The following LIMS1 variants were observed in gnomAD, a reference collection of about 807,000 sequenced individuals.
LIMS1 encodes LIM and senescent cell antigen-like-containing domain protein 1.
A neutral mutation model predicts 44.1 loss-of-function variants in LIMS1; 18 were observed. The ratio of observed to expected loss-of-function variants is 0.41; its 90% CI spans 0.28 to 0.61. The LOEUF is 0.61. Among genes scored for constraint, LIMS1 ranks in the 20% least tolerant of loss-of-function variants. LIMS1 has a pLI of 0.32. For missense variants in LIMS1, 201 were observed against 422.0 expected (o/e 0.48, Z 4.59); for synonymous variants, 93 against 149.1 (o/e 0.62, Z 2.74).
At chr2:108,551,753 ATACC>A (rs1235127785) in intron 1 of LIMS1, among the ~76,000 whole-genome samples, 1 of 146,208 alleles carries the variant, frequency 6.8e-6, no homozygotes, top group African/African-American at 2.5e-5. Flanking sequence ...ATATACATAC[ATACC>A]TATGTATATT....
intron 9 of LIMS1, chr2:108,681,252 G>C: frequency 3.2e-6 from 4 of 1,242,894 alleles, no homozygotes; most frequent in Non-Finnish European, 4.0e-6. Flanking sequence ...AGTCATCAGA[G>C]ATTGAAATAC....
chr2:108,667,726 C>G (rs970916440), intron 2 of LIMS1, among the ~76,000 whole-genome samples: 15 of 151,500 alleles, frequency 9.9e-5, no homozygotes, highest in African/African-American at 2.7e-4. Flanking sequence ...CAGGACACCC[C>G]CTCCACCCCA....
At chr2:108,679,798 C>A (rs1299994000) in intron 8 of LIMS1, among the ~76,000 whole-genome samples, 5 of 151,994 alleles carry the variant, frequency 3.3e-5, no homozygotes, top group South Asian at 2.1e-4. Context: ...ACCTATGGTC[C>A]CAGCTACACA....
At chr2:108,631,279 G>A (rs1015229909) in intron 1 of LIMS1, among the ~76,000 whole-genome samples, 6 of 152,248 alleles carry the variant, frequency 3.9e-5, no homozygotes, top group African/African-American at 1.4e-4. Context: ...CTGAGTGAGA[G>A]TGGGTGAGGA....
At chr2:108,601,120 G>A (rs990539519) in intron 1 of LIMS1, among the ~76,000 whole-genome samples, 10 of 151,964 alleles carry the variant, frequency 6.6e-5, no homozygotes, top group Non-Finnish European at 1.5e-4. Context: ...TGCCTGAGGG[G>A]GGAAGAAAAA....
chr2:108,545,407 G>A (rs1327343989), intron 1 of LIMS1, among the ~76,000 whole-genome samples: 1 of 152,078 alleles, frequency 6.6e-6, no homozygotes, highest in Non-Finnish European at 1.5e-5. Context: ...CTAATTTTTT[G>A]TATTTTTAGT....
chr2:108,650,154 G>A (rs1432084650), intron 1 of LIMS1, among the ~76,000 whole-genome samples: 1 of 152,134 alleles, frequency 6.6e-6, no homozygotes, highest in Non-Finnish European at 1.5e-5. Context: ...TGCCACTGCC[G>A]TGGCAGTAGT....
intron 1 of LIMS1, among the ~76,000 whole-genome samples, chr2:108,609,766 A>G (rs779306983): frequency 1.3e-5 from 2 of 152,180 alleles, no homozygotes; most frequent in Non-Finnish European, 2.9e-5. Context: ...CACTGCACAC[A>G]TATACAGCAG....
At chr2:108,605,784 GAAAGA>G in intron 1 of LIMS1, among the ~76,000 whole-genome samples, 1 of 152,328 alleles carries the variant, frequency 6.6e-6, no homozygotes, top group East Asian at 1.9e-4. Context: ...GAGCAACTTG[GAAAGA>G]AAAGAAGTCA....
intron 1 of LIMS1, among the ~76,000 whole-genome samples, chr2:108,627,605 G>A: frequency 6.6e-6 from 1 of 151,974 alleles, no homozygotes. Flanking sequence ...GAAGTCTCAG[G>A]TATAAATTAC....
At chr2:108,558,517 C>G (rs917753582) in intron 1 of LIMS1, among the ~76,000 whole-genome samples, 1 of 151,638 alleles carries the variant, frequency 6.6e-6, no homozygotes, top group South Asian at 2.1e-4. Context: ...ACGATTTGTG[C>G]GTTTTTATAG....
intron 1 of LIMS1, among the ~76,000 whole-genome samples, chr2:108,541,328 A>C (rs1684308590): frequency 6.6e-6 from 1 of 152,186 alleles, no homozygotes; most frequent in South Asian, 2.1e-4. Flanking sequence ...CCATTTTAAA[A>C]TTTGCCTTGT....
intron 1 of LIMS1, among the ~76,000 whole-genome samples, chr2:108,625,942 GA>G (rs1428336723): frequency 6.6e-6 from 1 of 152,184 alleles, no homozygotes; most frequent in Non-Finnish European, 1.5e-5. Context: ...ACCATTAATT[GA>G]ACCCCTGTTA....
chr2:108,685,370 T>C (rs528289912), exon 10 of LIMS1: 122 of 152,298 alleles, frequency 8.0e-4, no homozygotes, highest in African/African-American at 2.9e-3. Context: ...TTAAAAATGT[T>C]GCTGCTGCTT....
In LIMS1 at chr2:108,657,641, C is replaced by T. The variant is rs529297469; in HGVS notation, c.33-1964C>T. Among the ~76,000 whole-genome samples the T allele has an allele frequency of 8.5e-5, 13 of 152,422 alleles. No individual in the cohort carries two copies. The South Asian group carries it at 2.5e-3, about 29-fold the overall frequency. On this transcript the variant is annotated intron_variant, in intron 1 of 9. Transcript: ENST00000544547. ...TTTTACAGATTTTTTCCCCAACCTA[C>T]AGTAACTTTGAAATGACAGAATGGA...
chr2:108,623,734 C>T (rs139984556), intron 1 of LIMS1, among the ~76,000 whole-genome samples: 2 of 152,208 alleles, frequency 1.3e-5, no homozygotes, highest in African/African-American at 4.8e-5. Context: ...TCAAGTATTG[C>T]ATAAGACCCA....
intron 2 of LIMS1, chr2:108,662,837 C>G: frequency 2.6e-6 from 2 of 772,852 alleles, no homozygotes; most frequent in Non-Finnish European, 3.2e-6. Context: ...GTTATCAGAA[C>G]AACTTCCTTC....
intron 1 of LIMS1, among the ~76,000 whole-genome samples, chr2:108,550,355 CG>C (rs1558783034): frequency 6.8e-6 from 1 of 146,438 alleles, no homozygotes; most frequent in Non-Finnish European, 1.5e-5. Flanking sequence ...AAAAATTAGC[CG>C]GGCGCGGTGG....
At chr2:108,667,243 A>G (rs1691820721) in intron 2 of LIMS1, among the ~76,000 whole-genome samples, 1 of 152,198 alleles carries the variant, frequency 6.6e-6, no homozygotes, top group African/African-American at 2.4e-5. Context: ...CTGTATGCCA[A>G]GAAACTGGGA....
Sources: gnomAD v4.1 joint callset for allele counts (sites outside exome capture counted in the v4.1 genomes callset) on GRCh38, gnomAD v4.1.1 for gene constraint, MANE v1.5 for transcripts, NCBI Gene and HGNC (gene_info 2026-07-23, HGNC 2026-07-21) for gene names.